HACL2: variants seen among roughly 807,000 people sequenced by gnomAD.
The protein encoded by HACL2 is 2-hydroxyacyl-CoA lyase 2.
chr19:15,119,853 A>G, the HACL2 span: 1 of 657,614 alleles, frequency 1.5e-6, no homozygotes, highest in African/African-American at 1.8e-5. Context: ...GTCCAGCCAA[A>G]GGGCCGCCCT....
the HACL2 span, chr19:15,125,194 C>T: frequency 6.3e-6 from 6 of 956,738 alleles, no homozygotes; most frequent in African/African-American, 6.7e-5. Context: ...TGCGGCCACG[C>T]CCCCAACCCT....
At chr19:15,115,575 C>CCAGGCCA in the HACL2 span, 1 of 1,613,084 alleles carries the variant, frequency 6.2e-7, no homozygotes, top group South Asian at 1.1e-5. Context: ...CCAGTGTAGG[C>CCAGGCCA]CAGGCCACAG....
At chr19:15,117,685 A>C in the HACL2 span, 1 of 555,410 alleles carries the variant, frequency 1.8e-6, no homozygotes, top group Non-Finnish European at 3.1e-6. Flanking sequence ...TCTCTAAAAA[A>C]TAAAAATAAA....
chr19:15,115,951 G>C, the HACL2 span: 2 of 1,614,042 alleles, frequency 1.2e-6, no homozygotes, highest in Non-Finnish European at 1.7e-6. Context: ...GGATGGTTAG[G>C]GTGGATCAGG....
chr19:15,118,116 C>T, the HACL2 span: 8 of 1,471,980 alleles, frequency 5.4e-6, no homozygotes, highest in Non-Finnish European at 6.5e-6. Flanking sequence ...CTGTTCCTCA[C>T]CGAGTCTCCC....
the HACL2 span, chr19:15,124,290 A>T: frequency 1.3e-5 from 2 of 154,332 alleles, no homozygotes; most frequent in Admixed American, 1.3e-4. Flanking sequence ...GGGAGAGGTC[A>T]AGCTTGGTCC....
At chr19:15,122,774 A>T in the HACL2 span, 1 of 1,614,138 alleles carries the variant, frequency 6.2e-7, no homozygotes, top group Non-Finnish European at 8.5e-7. This position sits in a 1 kb window ranked among gnomAD's most constrained non-coding sequence, Gnocchi z 4.0. Context: ...GGGGTACAGC[A>T]CGTCAACGGG....
the HACL2 span, chr19:15,116,373 A>T: frequency 1.2e-6 from 2 of 1,613,270 alleles, no homozygotes; most frequent in African/African-American, 2.7e-5. Flanking sequence ...TCTGCCGGGA[A>T]CCCCCTTCCC....
the HACL2 span, chr19:15,125,150 G>C: frequency 7.5e-7 from 1 of 1,337,892 alleles, no homozygotes. Context: ...CTCGCAGCAG[G>C]ATCCAGGGCC....
At chr19:15,125,279 G>A in the HACL2 span, 6 of 586,336 alleles carry the variant, frequency 1.0e-5, no homozygotes, top group Non-Finnish European at 1.8e-5. Context: ...CGCCCCTCGC[G>A]GGGCTAGCCC....
the HACL2 span, among the ~76,000 whole-genome samples, chr19:15,118,595 C>A: frequency 3.0e-4 from 45 of 152,128 alleles, no homozygotes; most frequent in African/African-American, 9.4e-4. Context: ...CCCCACCCCC[C>A]ATTCCTGCAG....
chr19:15,125,078 G>C, the HACL2 span: 1 of 1,523,222 alleles, frequency 6.6e-7, no homozygotes, highest in African/African-American at 1.4e-5. Context: ...ACCTAAGAGA[G>C]AAAGGGCACT....
the HACL2 span, chr19:15,122,605 T>A: frequency 9.0e-7 from 1 of 1,108,230 alleles, no homozygotes. The surrounding 1 kb of genome is among the most constrained non-coding windows in gnomAD (Gnocchi z 4.0). Context: ...CCAGTCCACA[T>A]GTGAATCAAA....
At chr19:15,124,773 A>T in the HACL2 span, 1 of 1,051,922 alleles carries the variant, frequency 9.5e-7, no homozygotes, top group Non-Finnish European at 1.3e-6. Context: ...GTGGCAATGG[A>T]GACAGGGCCC....
the HACL2 span, chr19:15,119,977 T>C: frequency 2.6e-6 from 4 of 1,543,528 alleles, no homozygotes; most frequent in East Asian, 2.5e-5. Flanking sequence ...AGAGAGGCAA[T>C]TCACCTGCTG....
At chr19:15,118,057 T>C in the HACL2 span, 11 of 1,611,954 alleles carry the variant, frequency 6.8e-6, no homozygotes, top group Non-Finnish European at 9.3e-6. Flanking sequence ...AGGCCCCATG[T>C]CGTCTACCTT....
the HACL2 span, chr19:15,116,257 C>T: frequency 6.2e-7 from 1 of 1,614,056 alleles, no homozygotes; most frequent in Non-Finnish European, 8.5e-7. Flanking sequence ...GGTAGCGTTT[C>T]CTCCACCAGC....
chr19:15,116,408 C>T, the HACL2 span: 29 of 1,613,902 alleles, frequency 1.8e-5, 1 homozygote, highest in East Asian at 2.2e-5. Context: ...CAGGCCCCAC[C>T]GAAAGGTCTG....
At chr19:15,123,660 G>T in the HACL2 span, 1 of 1,272,192 alleles carries the variant, frequency 7.9e-7, no homozygotes, top group Non-Finnish European at 1.1e-6. The surrounding 1 kb of genome is among the most constrained non-coding windows in gnomAD (Gnocchi z 5.1). Context: ...CCTGCCCCAG[G>T]TAAGGGGGCA....
Sources: allele counts gnomAD v4.1 joint callset (sites outside exome capture counted in the v4.1 genomes callset), GRCh38; gene constraint gnomAD v4.1.1; non-coding constraint Gnocchi (gnomAD v3.1); transcripts MANE v1.5; gene names NCBI Gene and HGNC (gene_info 2026-07-23, HGNC 2026-07-21).